Variants in TMEM176A observed in about 807,000 individuals in gnomAD.
TMEM176A encodes hepatocellular carcinoma-associated antigen 112.
A neutral mutation model predicts 27.9 loss-of-function variants in TMEM176A; 20 were observed. The observed-to-expected ratio is 0.72, with a 90% CI of 0.50 to 1.04. The LOEUF is 1.04. Ranked by LOEUF, TMEM176A falls within the 50% of genes least tolerant of loss-of-function variation. The pLI is 0.00. For missense variants in TMEM176A, 252 were observed against 289.1 expected (o/e 0.87, Z 0.93); for synonymous variants, 125 against 118.0 (o/e 1.06, Z -0.38).
At chr7:150,802,552 G>C in intron 3 of TMEM176A, 1 of 675,262 alleles carries the variant, frequency 1.5e-6, no homozygotes. Context: ...TTCCCACCAG[G>C]CTGGCTGCCT....
Position 150,801,522 on chromosome 7 carries a change from T to C in TMEM176A, c.-15-14T>C, listed in dbSNP as rs375661580. On this transcript the variant is annotated splice_polypyrimidine_tract_variant and intron_variant, in intron 1 of 6. Coordinates refer to ENST00000004103, the MANE Select transcript of TMEM176A (RefSeq NM_018487.3). ...TCTGACAGCCGTTCCTCTCTGGTGC[T>C]CCCTTCCTCATAGACTGTGTCCCTG... 1.2e-5 allele frequency: 18 copies of C among 1,561,074 alleles called. No individual in the cohort carries two copies. The highest frequency in any genetic ancestry group is 8.1e-5 in the Admixed American group (4 of 49,290).
chr7:150,803,852 G>T lies in TMEM176A; in HGVS notation c.555+20G>T. 1 of 1,611,464 alleles carries T rather than the reference G, an allele frequency of 6.2e-7. No homozygotes were observed. The highest frequency in any genetic ancestry group is 1.1e-5 in the South Asian group (1 of 90,778). On this transcript the variant is annotated intron_variant, in intron 5 of 6. Transcript: ENST00000004103. ...CTGAAGGTAGGTGGCCAAGGGGAAG[G>T]GGCAGCAGCAGGTGGGGCAGGGATG...
rs745898105 is a variant in TMEM176A at position 150,804,870 on chromosome 7, CA to C, written c.*3del. 5 of 1,614,124 alleles carry C rather than the reference CA, an allele frequency of 3.1e-6. No homozygotes were observed. In the Admixed American group the frequency reaches 6.7e-5, roughly 22 times the overall value. ...ATGTTGGAAGTGAGTGGAATCTAGC[CA>C]TGCCTCTCCTGATTATTAGTGCCTG... On this transcript the variant is annotated 3_prime_UTR_variant, in exon 7 of 7. Coordinates refer to ENST00000004103, the MANE Select transcript of TMEM176A (RefSeq NM_018487.3).
At chr7:150,802,369 G>A (rs1172524965) in intron 3 of TMEM176A, 44 bp downstream of exon 3, 1 of 1,538,322 alleles carries the variant, frequency 6.5e-7, no homozygotes, top group Non-Finnish European at 9.0e-7. Flanking sequence ...GAGAGGGGTG[G>A]GGCATTGCTC....
chr7:150,802,851 C>T (rs774995036), intron 3 of TMEM176A: 32 of 988,210 alleles, frequency 3.2e-5, no homozygotes, highest in Non-Finnish European at 3.6e-5. Context: ...TGACAGAAGC[C>T]GAGAGTAATT....
In TMEM176A at chr7:150,804,451, G is replaced by A; in HGVS notation, c.645G>A (p.Trp215Ter). Residue 215 changes from tryptophan to a stop codon, truncating the protein, a stop_gained, in exon 6 of 7, where the codon TGG becomes TGA. Transcript: ENST00000004103. LOFTEE classifies it high-confidence loss of function. Reference sequence around the variant, plus strand: ...TGACCCCTCTGTGGCTGTACTGCTGGAGAATGTTCCCAACCAAAGGGGTGA... The same window carrying A: ...TGACCCCTCTGTGGCTGTACTGCTGAAGAATGTTCCCAACCAAAGGGGTGA... ...ASLTPLWLYCWRMFPTKGKRD... is the reference protein window; with the variant it reads ...ASLTPLWLYC 1 of 1,614,120 alleles carries A rather than the reference G, an allele frequency of 6.2e-7. No homozygotes were observed. The highest frequency in any genetic ancestry group is 8.5e-7 in the Non-Finnish European group (1 of 1,179,972).
At chr7:150,802,589 A>G (rs1798836066) in intron 3 of TMEM176A, 4 of 818,360 alleles carry the variant, frequency 4.9e-6, no homozygotes, top group Non-Finnish European at 6.8e-6. Flanking sequence ...GTTAATGTCA[A>G]CTAAGGATCT....
chr7:150,802,084 C>T, intron 2 of TMEM176A, 131 bp from the exon 3 acceptor site: 2 of 658,112 alleles, frequency 3.0e-6, no homozygotes, highest in Non-Finnish European at 5.3e-6. Context: ...CTTTTCTCTT[C>T]TCTTCTCTTC....
In TMEM176A at chr7:150,804,800, ATTGTCTTGCC is replaced by A. The variant is rs757438242; in HGVS notation, c.667-24_667-15del. 1.1e-5 allele frequency: 18 copies of A among 1,613,844 alleles called. No homozygotes were observed. The highest frequency in any genetic ancestry group is 1.5e-5 in the Non-Finnish European group (18 of 1,179,886). On this transcript the variant is annotated splice_polypyrimidine_tract_variant and intron_variant, in intron 6 of 6. Transcript: ENST00000004103. Reference sequence around the variant, plus strand: ...CTCCGCCCTTTCTCTCCCACTCACGATTGTCTTGCCTTTCCTCTTCCATTAGAAAAGAGAC... The same window carrying A: ...CTCCGCCCTTTCTCTCCCACTCACGATTTCCTCTTCCATTAGAAAAGAGAC...
intron 3 of TMEM176A, 124 bp downstream of exon 3, chr7:150,802,449 C>A (rs1471546504): frequency 2.3e-6 from 2 of 879,156 alleles, no homozygotes; most frequent in African/African-American, 3.3e-5. Flanking sequence ...TATCTAGGAC[C>A]ATTCCCTGCC....
At chr7:150,801,276 G>A in intron 1 of TMEM176A, 1 of 364,614 alleles carries the variant, frequency 2.7e-6, no homozygotes, top group Non-Finnish European at 4.9e-6. Context: ...GCCCTGGGAG[G>A]AGGATGAGGG....
chr7:150,802,397 C>T (rs1451261268), intron 3 of TMEM176A, 72 bp downstream of exon 3: 1 of 1,310,326 alleles, frequency 7.6e-7, no homozygotes, highest in Non-Finnish European at 1.1e-6. Flanking sequence ...TGCCTTCCTC[C>T]AACATGGCGC....
At chr7:150,804,255 T>C (rs1052659332) in intron 5 of TMEM176A, 107 bp from the exon 6 acceptor site, 4 of 867,734 alleles carry the variant, frequency 4.6e-6, no homozygotes, top group Non-Finnish European at 7.4e-6. Context: ...AGCCACGAAC[T>C]TGGAGATAAA....
chr7:150,803,665 A>G lies in TMEM176A; in HGVS notation c.388A>G (p.Ile130Val), dbSNP rs779507181. ...AACGCTGGCAGCTTTCTCCACAGCC[A>G]TCGCTGCCCTCAAACTTTGGAATGA... is the stretch of plus-strand genomic sequence containing the variant. ...LLTLAAFSTA[I>V]AALKLWNEDF... Residue 130 changes from isoleucine (I) to valine (V), a missense_variant, in exon 5 of 7, where the codon ATC becomes GTC. Transcript: ENST00000004103. 6.2e-7 allele frequency: 1 copy of G among 1,614,146 alleles called. No homozygotes were observed. The highest frequency in any genetic ancestry group is 8.5e-7 in the Non-Finnish European group (1 of 1,180,040).
At chr7:150,803,914 C>T in intron 5 of TMEM176A, 82 bp downstream of exon 5, 6 of 1,311,056 alleles carry the variant, frequency 4.6e-6, no homozygotes, top group Non-Finnish European at 6.4e-6. Context: ...AGGTTCTCCA[C>T]CAGAAATAGG....
intron 3 of TMEM176A, 114 bp downstream of exon 3, chr7:150,802,439 T>C: frequency 1.0e-6 from 1 of 959,004 alleles, no homozygotes; most frequent in South Asian, 1.5e-5. Context: ...GAGATCTGAT[T>C]ATCTAGGACC....
intron 2 of TMEM176A, chr7:150,801,987 T>C: frequency 1.6e-6 from 1 of 613,620 alleles, no homozygotes; most frequent in South Asian, 2.0e-5. Context: ...AAACTCAGGA[T>C]GGGCCGGCTC....
chr7:150,804,343 C>T lies in TMEM176A; in HGVS notation c.556-19C>T. ...CAGCTGTCATCCTGGTGCTTATGGC[C>T]TTGGCCCTCTGTCCCCAGGCCTTGT... On this transcript the variant is annotated intron_variant, in intron 5 of 6. Coordinates refer to ENST00000004103, the MANE Select transcript of TMEM176A (RefSeq NM_018487.3). 1 of 1,601,498 alleles carries T rather than the reference C, an allele frequency of 6.2e-7. No homozygotes were observed.
At chr7:150,800,992 C>T in intron 1 of TMEM176A, 164 bp downstream of exon 1, 2 of 985,940 alleles carry the variant, frequency 2.0e-6, no homozygotes, top group Non-Finnish European at 2.4e-6. Flanking sequence ...TTTTGACCTA[C>T]CTCCGCACCG....
Sources: gnomAD v4.1 joint callset for allele counts on GRCh38, gnomAD v4.1.1 for gene constraint, MANE v1.5 for transcripts, NCBI Gene and HGNC (gene_info 2026-07-23, HGNC 2026-07-21) for gene names.